ERC2: variants seen among roughly 807,000 people sequenced by gnomAD.
The protein encoded by ERC2 is ELKS/RAB6-interacting/CAST family member 2.
Under a neutral mutation model 114.8 loss-of-function variants are expected in ERC2, and 42 were observed. The ratio of observed to expected loss-of-function variants is 0.37; its 90% CI spans 0.29 to 0.47. The LOEUF (loss-of-function observed/expected upper bound fraction) is 0.47. Ranked by LOEUF, ERC2 falls within the 20% of genes least tolerant of loss-of-function variation. The probability of loss-of-function intolerance (pLI) is 0.99; values close to 1 mark genes in which losing one functional copy is unlikely to be tolerated. For missense variants in ERC2, 939 were observed against 1,150.7 expected (o/e 0.82, Z 2.66); for synonymous variants, 454 against 425.5 (o/e 1.07, Z -0.82).
At chr3:56,219,369 C>G (rs1180394676) in intron 3 of ERC2, among the ~76,000 whole-genome samples, 2 of 151,930 alleles carry the variant, frequency 1.3e-5, no homozygotes, top group Non-Finnish European at 2.9e-5. Context: ...CTGGTCTAAC[C>G]TCCAGCAAGT....
At chr3:56,245,859 G>A (rs1376178767) in intron 3 of ERC2, among the ~76,000 whole-genome samples, 1 of 152,046 alleles carries the variant, frequency 6.6e-6, no homozygotes, top group East Asian at 1.9e-4. Flanking sequence ...TATTTTAAAA[G>A]CAACAAAATT....
intron 13 of ERC2, among the ~76,000 whole-genome samples, chr3:55,896,796 CT>C (rs1278800102): frequency 6.6e-6 from 1 of 152,158 alleles, no homozygotes; most frequent in African/African-American, 2.4e-5. Context: ...TTAAAGGTTT[CT>C]TCAAGCTAGA....
intron 17 of ERC2, among the ~76,000 whole-genome samples, chr3:55,582,254 G>A (rs2057300847): frequency 1.3e-5 from 2 of 152,208 alleles, no homozygotes; most frequent in South Asian, 4.1e-4. Context: ...TTCTCTGCTA[G>A]AATTTAACCT....
intron 2 of ERC2, among the ~76,000 whole-genome samples, chr3:56,428,639 TG>T (rs1266596875): frequency 3.3e-5 from 5 of 152,100 alleles, no homozygotes; most frequent in Non-Finnish European, 7.4e-5. Context: ...AACACAGAAA[TG>T]TGATCCATCT....
chr3:56,423,923 T>C (rs2061476005), intron 2 of ERC2, among the ~76,000 whole-genome samples: 1 of 151,910 alleles, frequency 6.6e-6, no homozygotes, highest in Non-Finnish European at 1.5e-5. Flanking sequence ...CAACTGGGGG[T>C]GGTGGGAATT....
intron 17 of ERC2, among the ~76,000 whole-genome samples, chr3:55,681,207 T>A (rs2062039105): frequency 6.6e-6 from 1 of 152,128 alleles, no homozygotes. Context: ...CCTCCAGAAG[T>A]GGCAAAAAAG....
At chr3:56,006,373 T>A (rs764815773) in intron 10 of ERC2, among the ~76,000 whole-genome samples, 1 of 152,096 alleles carries the variant, frequency 6.6e-6, no homozygotes, top group Non-Finnish European at 1.5e-5. Context: ...GAATTATACA[T>A]AGTCAAATTG....
At chr3:56,251,198 A>C (rs148305977) in intron 3 of ERC2, among the ~76,000 whole-genome samples, 34 of 152,330 alleles carry the variant, frequency 2.2e-4, no homozygotes, top group African/African-American at 7.9e-4. Context: ...CTCACAATCC[A>C]ACCTTTCAAG....
intron 2 of ERC2, among the ~76,000 whole-genome samples, chr3:56,309,848 A>T (rs1367092642): frequency 6.6e-6 from 1 of 152,218 alleles, no homozygotes; most frequent in African/African-American, 2.4e-5. Context: ...GCCTGGAATT[A>T]AAATTTCTGT....
chr3:56,397,244 G>A (rs1301797939), intron 2 of ERC2, among the ~76,000 whole-genome samples: 2 of 152,054 alleles, frequency 1.3e-5, no homozygotes, highest in African/African-American at 2.4e-5. Flanking sequence ...AGCTACTTGG[G>A]AGGCTGAGGC....
chr3:56,211,437 C>T (rs540994010), intron 3 of ERC2, among the ~76,000 whole-genome samples: 4 of 152,206 alleles, frequency 2.6e-5, no homozygotes, highest in East Asian at 3.9e-4. Flanking sequence ...CAAAACACTG[C>T]TGAAAGAAAT....
chr3:55,821,158 A>G (rs1488487332), intron 14 of ERC2, among the ~76,000 whole-genome samples: 1 of 152,222 alleles, frequency 6.6e-6, no homozygotes, highest in Non-Finnish European at 1.5e-5. Flanking sequence ...TCAACTGAAC[A>G]GTGAGATTAG....
intron 17 of ERC2, among the ~76,000 whole-genome samples, chr3:55,567,807 G>A (rs534621437): frequency 3.3e-5 from 5 of 152,274 alleles, no homozygotes; most frequent in East Asian, 1.9e-4. Flanking sequence ...GCCAGGGGGA[G>A]GGATGAGGTC....
chr3:55,941,883 T>C (rs1039097048), intron 13 of ERC2, among the ~76,000 whole-genome samples: 1 of 152,228 alleles, frequency 6.6e-6, no homozygotes, highest in Non-Finnish European at 1.5e-5. Flanking sequence ...TTAGTTACCC[T>C]AGTTTTAAAG....
intron 15 of ERC2, among the ~76,000 whole-genome samples, chr3:55,731,795 A>G (rs2065267813): frequency 6.6e-6 from 1 of 152,222 alleles, no homozygotes. Flanking sequence ...ACCCATGCCT[A>G]GTACATGATG....
intron 13 of ERC2, among the ~76,000 whole-genome samples, chr3:55,946,221 C>T (rs1346397376): frequency 4.6e-5 from 7 of 152,192 alleles, no homozygotes; most frequent in African/African-American, 1.7e-4. Flanking sequence ...CAAGGTCAGA[C>T]ATAAATATCA....
chr3:55,543,698 A>G (rs923266164), intron 17 of ERC2, among the ~76,000 whole-genome samples: 2 of 152,224 alleles, frequency 1.3e-5, no homozygotes, highest in Admixed American at 6.5e-5. Flanking sequence ...CACCCAGTCC[A>G]TAGGATCTGG....
intron 7 of ERC2, among the ~76,000 whole-genome samples, chr3:56,033,429 T>A (rs1288897044): frequency 1.3e-5 from 2 of 152,224 alleles, no homozygotes; most frequent in Non-Finnish European, 2.9e-5. Context: ...TATATTTTCA[T>A]GTTTTGGTTA....
chr3:55,870,577 A>T (rs1011899073), intron 14 of ERC2, among the ~76,000 whole-genome samples: 3 of 152,176 alleles, frequency 2.0e-5, no homozygotes, highest in African/African-American at 7.2e-5. Context: ...CAGAGCCAGC[A>T]GAGCAGGTGT....
Sources: allele counts gnomAD v4.1 joint callset (sites outside exome capture counted in the v4.1 genomes callset), GRCh38; gene constraint gnomAD v4.1.1; transcripts MANE v1.5; gene names NCBI Gene and HGNC (gene_info 2026-07-23, HGNC 2026-07-21).